ZNF507: variants seen among roughly 807,000 people sequenced by gnomAD.
The protein encoded by ZNF507 is zinc finger protein 507.
In ZNF507, 29 loss-of-function variants were observed where a neutral mutation model predicts 80.0. The ratio of observed to expected loss-of-function variants is 0.36; its 90% CI spans 0.27 to 0.49. The LOEUF (loss-of-function observed/expected upper bound fraction) is 0.49. ZNF507 is among the 20% of genes least tolerant of loss of function. The pLI, the probability that ZNF507 is intolerant of heterozygous loss-of-function variation, is 0.98. For missense variants in ZNF507, 1,081 were observed against 1,152.2 expected (o/e 0.94, Z 0.90); for synonymous variants, 462 against 422.5 (o/e 1.09, Z -1.15).
chr19:32,369,517 ATAGG>A (rs1451496130), intron 5 of ZNF507, among the ~76,000 whole-genome samples: 1 of 152,134 alleles, frequency 6.6e-6, no homozygotes, highest in East Asian at 1.9e-4. Context: ...ATGGGTTGGG[ATAGG>A]AAGGAGCAGT....
At chr19:32,374,338 G>A (rs139934149) in intron 5 of ZNF507, among the ~76,000 whole-genome samples, 19 of 152,032 alleles carry the variant, frequency 1.2e-4, no homozygotes, top group East Asian at 7.7e-4. Flanking sequence ...TGATCTGGAC[G>A]GAATGTTAGT....
At chr19:32,361,629 T>TCTTC (rs1294943977) in intron 5 of ZNF507, among the ~76,000 whole-genome samples, 30 of 151,924 alleles carry the variant, frequency 2.0e-4, no homozygotes, top group African/African-American at 6.3e-4. Context: ...CTCCTCAGTG[T>TCTTC]CTTCCTTCCT....
In ZNF507 at chr19:32,352,960, T is replaced by G. The variant is rs938346689; in HGVS notation, c.130T>G (p.Leu44Val). The G allele has an allele frequency of 7.4e-6, 12 of 1,614,020 alleles. No individual in the cohort carries two copies. The highest frequency in any genetic ancestry group is 1.3e-5 in the African/African-American group (1 of 74,924). ...ACAAAGAAAAACTAAACCAGATCCA[T>G]TAATCCATGTTATCCAGAAGTTAAG... ...DEQRKTKPDPLIHVIQKLSKI... is the reference protein window; with the variant it reads ...DEQRKTKPDPVIHVIQKLSKI... Residue 44 changes from leucine to valine, a missense_variant, in exon 3 of 7, where the codon TTA (leucine) becomes GTA (valine). This residue lies in a region of ZNF507 where 275 missense variants were observed against 303.9 expected (regional missense o/e 0.90). Transcript: ENST00000355898.
In ZNF507 at chr19:32,354,833, C is replaced by A. The variant is rs971569108; in HGVS notation, c.2003C>A (p.Pro668His). 2 of 1,614,022 alleles carry A rather than the reference C, an allele frequency of 1.2e-6. No individual in the cohort carries two copies. The highest frequency in any genetic ancestry group is 1.7e-6 in the Non-Finnish European group (2 of 1,180,038). The change falls in exon 3 of 7, where the codon CCT (proline) becomes CAT (histidine). Residue 668 changes from proline to histidine, a missense_variant. Physicochemically the swap from Pro to His is moderately conservative, Grantham distance 77. Around this residue, in one of 6 missense-constraint regions of ZNF507, gnomAD observed 614 missense variants for 583.9 expected, o/e 1.05. Coordinates refer to ENST00000355898, the MANE Select transcript of ZNF507 (RefSeq NM_001136156.2). ...TTACGAGTCCATCGACAGAGACAGC[C>A]TTATCAGTGTCCTATCTGCGAGCAC... is the stretch of plus-strand genomic sequence containing the variant. ...QHLRVHRQRQ[P>H]YQCPICEHIA...
At position 32,353,057 on chromosome 19, in the gene ZNF507, C is replaced by T; in HGVS notation, c.227C>T (p.Ala76Val). 3 of 1,614,174 alleles carry T rather than the reference C, an allele frequency of 1.9e-6. No homozygotes were observed. Among genetic ancestry groups the T allele is most frequent in the Middle Eastern group, 1.6e-4 (1 of 6,062 alleles). The stretch of plus-strand genomic sequence containing the variant: ...AAGAAACGCCCACGTTCAAGTGCTG[C>T]AACACACTCTCTTGAAACCCAAGAA... ...IGKKRPRSSAATHSLETQELC... is the reference protein window; with the variant it reads ...IGKKRPRSSAVTHSLETQELC... The change falls in exon 3 of 7, where the codon GCA becomes GTA. Residue 76 changes from alanine (A) to valine (V), a missense_variant. Ala to Val is a moderately conservative substitution (Grantham distance 64). Coordinates refer to ENST00000355898, the MANE Select transcript of ZNF507 (RefSeq NM_001136156.2).
At chr19:32,381,847 AAAAT>A (rs1007973601) in intron 5 of ZNF507, among the ~76,000 whole-genome samples, 8 of 152,338 alleles carry the variant, frequency 5.3e-5, no homozygotes, top group Admixed American at 1.3e-4. Flanking sequence ...AGGCATCTAA[AAAAT>A]AAAGTCTATT....
chr19:32,380,525 C>T (rs971886378), intron 5 of ZNF507: 151 of 1,341,422 alleles, frequency 1.1e-4, no homozygotes, highest in Admixed American at 4.8e-4. Flanking sequence ...AGTCTTTGAC[C>T]GTATTTAATT....
chr19:32,354,698 C>A lies in ZNF507; in HGVS notation c.1868C>A (p.Thr623Lys). ...GCCCAGTGCCAACCCAACAGCGATA[C>A]AAGTTTGTCCGGAAACAATGTGGTG... ...DNAQCQPNSD[T>K]SLSGNNVVEY... Residue 623 changes from threonine (T) to lysine (K), a missense_variant, in exon 3 of 7, where the codon ACA becomes AAA. By Grantham distance (78) the Thr-to-Lys change is moderately conservative. Coordinates refer to ENST00000355898, the MANE Select transcript of ZNF507 (RefSeq NM_001136156.2). The A allele has an allele frequency of 6.2e-7, 1 of 1,614,192 alleles. No individual in the cohort carries two copies. The highest frequency in any genetic ancestry group is 8.5e-7 in the Non-Finnish European group (1 of 1,180,024).
At chr19:32,368,653 G>A (rs1004863500) in intron 5 of ZNF507, among the ~76,000 whole-genome samples, 4 of 152,154 alleles carry the variant, frequency 2.6e-5, no homozygotes, top group African/African-American at 9.7e-5. Flanking sequence ...GAAGGAGATA[G>A]TTTTATCAGG....
chr19:32,350,948 T>G (rs1967154500), intron 2 of ZNF507, among the ~76,000 whole-genome samples: 1 of 152,232 alleles, frequency 6.6e-6, no homozygotes, highest in Non-Finnish European at 1.5e-5. Context: ...ATAAAGTGAC[T>G]TAGGAAGTCA....
intron 5 of ZNF507, among the ~76,000 whole-genome samples, chr19:32,380,400 C>CTGG (rs1192996272): frequency 1.3e-5 from 2 of 151,838 alleles, no homozygotes; most frequent in Non-Finnish European, 2.9e-5. Flanking sequence ...GTTAAGTGGG[C>CTGG]TGGTATTTCT....
Position 32,384,960 on chromosome 19 carries a change from T to A in ZNF507, c.*1877T>A, listed in dbSNP as rs1416418478. 6.6e-6 allele frequency: 1 copy of A among 152,150 alleles called. No homozygotes were observed. The highest frequency in any genetic ancestry group is 1.9e-4 in the East Asian group (1 of 5,202). The allele number at this position is 152,150 out of a possible 1,614,324, so 9.4% of individuals were successfully genotyped here. A position where few individuals can be genotyped will look rare whatever the true frequency, so the allele number is the denominator to read the frequency against. On this transcript the variant is annotated 3_prime_UTR_variant, in exon 7 of 7. Transcript: ENST00000355898. Reference sequence around the variant, plus strand: ...TTTAATTTCAAATTCAAATAGAACATTTAAAATGATTTCATTATTATTACC... The same window carrying A: ...TTTAATTTCAAATTCAAATAGAACAATTAAAATGATTTCATTATTATTACC...
chr19:32,368,068 T>C (rs950722578), intron 5 of ZNF507, among the ~76,000 whole-genome samples: 4 of 152,312 alleles, frequency 2.6e-5, no homozygotes, highest in African/African-American at 9.6e-5. Context: ...GCCTGAACTC[T>C]TGCTCCTAAT....
intron 4 of ZNF507, chr19:32,357,206 GCACA>G (rs761562304): frequency 2.7e-5 from 4 of 149,848 alleles, no homozygotes; most frequent in Non-Finnish European, 4.4e-5. Context: ...AAAAAAAAAA[GCACA>G]CACACAGACA....
Position 32,380,896 on chromosome 19 carries a change from T to G in ZNF507, c.2361-1571T>G, listed in dbSNP as rs566308833. ...GTGAGCTATGGTCATGCCACTGTACTCCAGCCTGGGCAACAGAGTAAGGCC... is the reference window on the plus strand; with the variant it reads ...GTGAGCTATGGTCATGCCACTGTACGCCAGCCTGGGCAACAGAGTAAGGCC... On this transcript the variant is annotated intron_variant, in intron 5 of 6. Coordinates refer to ENST00000355898, the MANE Select transcript of ZNF507 (RefSeq NM_001136156.2). 7.9e-5 allele frequency among the ~76,000 whole-genome samples: 12 copies of G among 152,194 alleles called. No homozygotes were observed. The East Asian group carries it at 2.3e-3, about 29-fold the overall frequency.
In ZNF507 at chr19:32,382,742, A is replaced by C. The variant is rs748349877; in HGVS notation, c.2521A>C (p.Thr841Pro). 39 of 1,612,752 alleles carry C rather than the reference A, an allele frequency of 2.4e-5. No homozygotes were observed. Among genetic ancestry groups the C allele is most frequent in the Non-Finnish European group, 3.1e-5 (36 of 1,179,376 alleles). The change falls in exon 7 of 7, where the codon ACT becomes CCT. Residue 841 changes from threonine to proline, a missense_variant. Transcript: ENST00000355898. ...AGTTCTGGGGAAATCCCCTGGAAAG[A>C]CTCAATTAAAGAGCAGTGAAGAGAG... is the stretch of plus-strand genomic sequence containing the variant. Reference protein sequence around the residue: ...GRVLGKSPGKTQLKSSEESAD... With the variant: ...GRVLGKSPGKPQLKSSEESAD...
In ZNF507 at chr19:32,382,253, A is replaced by G. The variant is rs1748647270; in HGVS notation, c.2361-214A>G. ...ATTCTTACTAATTCTTTATAATATA[A>G]AAGACCTTCTTTCATTGATTCTAGG... is the stretch of plus-strand genomic sequence containing the variant. On this transcript the variant is annotated intron_variant, in intron 5 of 6. Coordinates refer to ENST00000355898, the MANE Select transcript of ZNF507 (RefSeq NM_001136156.2). The G allele has an allele frequency of 6.7e-6, 3 of 449,192 alleles. No individual in the cohort carries two copies. The South Asian group carries it at 1.8e-4, about 26-fold the overall frequency. 27.8% of individuals were successfully genotyped at this position (449,192 alleles called of 1,614,324 possible). A position where few individuals can be genotyped will look rare whatever the true frequency, so the allele number is the denominator to read the frequency against.
chr19:32,367,326 G>A (rs1967411869), intron 5 of ZNF507, among the ~76,000 whole-genome samples: 1 of 152,120 alleles, frequency 6.6e-6, no homozygotes. Flanking sequence ...TCCAACATTG[G>A]GGATCAAATT....
At chr19:32,372,020 G>A (rs1004495062) in intron 5 of ZNF507, among the ~76,000 whole-genome samples, 3 of 152,148 alleles carry the variant, frequency 2.0e-5, no homozygotes, top group Non-Finnish European at 4.4e-5. Flanking sequence ...TTATATTGAT[G>A]TGCAAGATAA....
Sources: gnomAD v4.1 joint callset for allele counts (sites outside exome capture counted in the v4.1 genomes callset) on GRCh38, gnomAD v4.1.1 for gene constraint, gnomAD v4.1.1 regional missense constraint, MANE v1.5 for transcripts, NCBI Gene and HGNC (gene_info 2026-07-23, HGNC 2026-07-21) for gene names.